CCNJL: variants seen among roughly 807,000 people sequenced by gnomAD.
CCNJL encodes cyclin J like.
A neutral mutation model predicts 33.4 loss-of-function variants in CCNJL; 33 were observed. The ratio of observed to expected loss-of-function variants is 0.99; its 90% CI spans 0.75 to 1.32. The LOEUF is 1.32. Among genes scored for constraint, CCNJL ranks in the 40% most tolerant of loss-of-function variants. The pLI is 0.00. For missense variants in CCNJL, 512 were observed against 499.7 expected, an observed-to-expected ratio of 1.02 and a Z score of -0.23; for synonymous variants, 227 against 220.9, an observed-to-expected ratio of 1.03 and a Z score of -0.24.
chr5:160,294,459 C>A (rs768028600), intron 2 of CCNJL, among the ~76,000 whole-genome samples: 5 of 152,208 alleles, frequency 3.3e-5, no homozygotes, highest in Non-Finnish European at 7.3e-5. Context: ...GGCAGGCAGG[C>A]CAGCTCCAAG....
Position 160,269,382 on chromosome 5 carries a change from G to A in CCNJL, c.281-9611C>T, listed in dbSNP as rs567925883. 3.7e-5 allele frequency: 17 copies of A among 456,300 alleles called. No individual in the cohort carries two copies. The East Asian group carries it at 4.9e-4, about 13-fold the overall frequency. 28.3% of individuals were successfully genotyped at this position (456,300 alleles called of 1,614,324 possible). A position where few individuals can be genotyped will look rare whatever the true frequency, so the allele number is the denominator to read the frequency against. Reference sequence around the variant, plus strand: ...GCATCCCACAAGTGCTTCTGTCCTCGTACGGAGGATAGGAGTTATCTCCTG... The same window carrying A: ...GCATCCCACAAGTGCTTCTGTCCTCATACGGAGGATAGGAGTTATCTCCTG... On this transcript the variant is annotated intron_variant, in intron 3 of 5. Transcript: ENST00000257536.
At chr5:160,279,367 G>C (rs993888251) in intron 3 of CCNJL, among the ~76,000 whole-genome samples, 2 of 152,196 alleles carry the variant, frequency 1.3e-5, no homozygotes, top group Admixed American at 6.5e-5. Context: ...GAGGCCTCTG[G>C]GGCATTCCAT....
intron 1 of CCNJL, among the ~76,000 whole-genome samples, chr5:160,331,206 T>TTTTC (rs201736931): frequency 1.9e-4 from 28 of 150,258 alleles, no homozygotes; most frequent in Non-Finnish European, 3.2e-4. Flanking sequence ...GAATCTTTTC[T>TTTTC]TTTCTTTCTT....
At chr5:160,269,092 C>T (rs1761723416) in intron 3 of CCNJL, among the ~76,000 whole-genome samples, 1 of 152,154 alleles carries the variant, frequency 6.6e-6, no homozygotes, top group African/African-American at 2.4e-5. Context: ...TGGTTGTTTT[C>T]TTTAGGAGGA....
At chr5:160,302,946 C>T (rs1021579309) in intron 2 of CCNJL, among the ~76,000 whole-genome samples, 21 of 152,130 alleles carry the variant, frequency 1.4e-4, no homozygotes, top group African/African-American at 4.3e-4. Context: ...ATAGGATTCA[C>T]GAGAAATTGG....
intron 4 of CCNJL, 58 bp downstream of exon 4, chr5:160,259,411 C>G (rs529457902): frequency 5.0e-5 from 77 of 1,534,148 alleles, no homozygotes; most frequent in Non-Finnish European, 6.5e-5. Context: ...CGCCTGACCC[C>G]GACCCCTGGG....
chr5:160,282,056 A>C lies in CCNJL; in HGVS notation c.67-1318T>G, dbSNP rs117894083. Among the ~76,000 whole-genome samples, 461 of 152,350 alleles carry C rather than the reference A, an allele frequency of 3.0e-3. 5 individuals are homozygous for C. Among genetic ancestry groups the C allele is most frequent in the East Asian group, 0.014 (72 of 5,192 alleles). ...GAAAACAGGAAATAAGTTGGCAGAA[A>C]AGGAATGTGAAAGCTCACTTATGGC... On this transcript the variant is annotated intron_variant, in intron 2 of 5. Coordinates refer to ENST00000257536, the MANE Select transcript of CCNJL (RefSeq NM_001308173.3).
chr5:160,284,549 A>C (rs983791997), intron 2 of CCNJL, among the ~76,000 whole-genome samples: 8 of 152,254 alleles, frequency 5.3e-5, no homozygotes, highest in Non-Finnish European at 1.2e-4. Context: ...ACTGCAAAAG[A>C]AAGCCACAGA....
intron 3 of CCNJL, among the ~76,000 whole-genome samples, chr5:160,273,927 G>T (rs1323802180): frequency 6.6e-6 from 1 of 151,832 alleles, no homozygotes; most frequent in Admixed American, 6.6e-5. Flanking sequence ...GGGATTACAG[G>T]CGTGAGCCAC....
At chr5:160,316,692 A>G (rs1763384555), upstream of CCNJL, among the ~76,000 whole-genome samples, 1 of 152,196 alleles carries the variant, frequency 6.6e-6, no homozygotes, top group Admixed American at 6.5e-5. Flanking sequence ...TTCTCCTTTT[A>G]CATGAAAGGT....
At chr5:160,320,838 T>TTTCTTTCC (rs1554124961) in intron 1 of CCNJL, among the ~76,000 whole-genome samples, 1,670 of 106,764 alleles carry the variant, frequency 0.016, 11 homozygotes, top group Non-Finnish European at 0.022. Flanking sequence ...TCTTTCTTTC[T>TTTCTTTCC]TTCTTTCTTT....
intron 2 of CCNJL, among the ~76,000 whole-genome samples, chr5:160,307,347 G>C (rs1287787820): frequency 6.6e-6 from 1 of 152,178 alleles, no homozygotes; most frequent in East Asian, 1.9e-4. Flanking sequence ...AAGAAGCAAG[G>C]ATGAGGGTGG....
intron 4 of CCNJL, 115 bp from the exon 5 acceptor site, chr5:160,255,823 A>G: frequency 2.4e-6 from 2 of 847,492 alleles, no homozygotes; most frequent in Admixed American, 5.2e-5. Flanking sequence ...TCGCTGCCCT[A>G]CAAATAGGAT....
chr5:160,265,463 C>T (rs1271916998), intron 3 of CCNJL, among the ~76,000 whole-genome samples: 1 of 152,096 alleles, frequency 6.6e-6, no homozygotes, highest in Non-Finnish European at 1.5e-5. Flanking sequence ...TAGTGAAACC[C>T]TGTCTCTACT....
intron 3 of CCNJL, among the ~76,000 whole-genome samples, chr5:160,277,219 C>G (rs995722722): frequency 2.6e-5 from 4 of 152,184 alleles, no homozygotes; most frequent in Non-Finnish European, 5.9e-5. Flanking sequence ...GGTGACAGCA[C>G]GACCGCATAG....
chr5:160,251,953 C>A lies in CCNJL; in HGVS notation c.*1425G>T, dbSNP rs1435359585. On this transcript the variant is annotated 3_prime_UTR_variant, in exon 6 of 6. Coordinates refer to ENST00000257536, the MANE Select transcript of CCNJL (RefSeq NM_001308173.3). ...TGCTCTGGAAAGATTCACCACCTTCCGATCTGACTCAGCAGCAGACAGCTG... is the reference window on the plus strand; with the variant it reads ...TGCTCTGGAAAGATTCACCACCTTCAGATCTGACTCAGCAGCAGACAGCTG... 1.3e-5 allele frequency: 2 copies of A among 152,242 alleles called. No homozygotes were observed. Among genetic ancestry groups the A allele is most frequent in the African/African-American group, 2.4e-5 (1 of 41,460 alleles). 9.4% of individuals were successfully genotyped at this position (152,242 alleles called of 1,614,324 possible).
intron 3 of CCNJL, among the ~76,000 whole-genome samples, chr5:160,271,719 T>C (rs527768103): frequency 5.5e-4 from 84 of 152,366 alleles, no homozygotes; most frequent in South Asian, 3.3e-3. Context: ...AGAAGCACCA[T>C]TGATGTCATG....
rs60630869 is a variant in CCNJL, at chr5:160,334,704, C to A, written n.206+4741G>T. The stretch of plus-strand genomic sequence containing the variant: ...TCTCGGGATCCATGAACTTCACACA[C>A]CGCTGTTGTCGAGCATTTCTCCCAC... On this transcript the variant is annotated intron_variant and non_coding_transcript_variant, in intron 1 of 7. Transcript: ENST00000377503. Among the ~76,000 whole-genome samples, 191 of 152,354 alleles carry A rather than the reference C, an allele frequency of 1.3e-3. 3 individuals carry two copies. The highest frequency in any genetic ancestry group is 4.5e-3 in the African/African-American group (185 of 41,572).
At chr5:160,253,901 G>T in intron 5 of CCNJL, 103 bp from the exon 6 acceptor site, 3 of 855,758 alleles carry the variant, frequency 3.5e-6, no homozygotes, top group Non-Finnish European at 5.2e-6. Context: ...AGATGCGTGT[G>T]TCCTGTGTCC....
Sources: allele counts gnomAD v4.1 joint callset (sites outside exome capture counted in the v4.1 genomes callset), GRCh38; gene constraint gnomAD v4.1.1; transcripts MANE v1.5; gene names NCBI Gene and HGNC (gene_info 2026-07-23, HGNC 2026-07-21).